Variants in PAPPA2 observed in about 807,000 individuals in gnomAD.
PAPPA2 encodes the protein pappalysin-2.
Under a neutral mutation model 176.4 loss-of-function variants are expected in PAPPA2, and 86 were observed. That is an observed-to-expected ratio of 0.49 (90% confidence interval 0.41 to 0.58). The LOEUF (loss-of-function observed/expected upper bound fraction) is 0.58. Ranked by LOEUF, PAPPA2 falls within the 20% of genes least tolerant of loss-of-function variation. The probability of loss-of-function intolerance (pLI) is 0.00; values close to 1 mark genes in which losing one functional copy is unlikely to be tolerated. For missense variants in PAPPA2, 2,073 were observed against 2,256.9 expected, an observed-to-expected ratio of 0.92 and a Z score of 1.65; for synonymous variants, 809 against 852.2, an observed-to-expected ratio of 0.95 and a Z score of 0.88.
chr1:176,722,222 G>A (rs894748232), intron 12 of PAPPA2, among the ~76,000 whole-genome samples: 7 of 151,800 alleles, frequency 4.6e-5, no homozygotes, highest in East Asian at 1.9e-4. Context: ...TTAAAACATC[G>A]TATTTATTTG....
intron 16 of PAPPA2, among the ~76,000 whole-genome samples, chr1:176,770,336 T>C (rs988558120): frequency 2.0e-5 from 3 of 152,164 alleles, no homozygotes; most frequent in Non-Finnish European, 4.4e-5. Flanking sequence ...AATGATGTTA[T>C]GGTGAATAGT....
At position 176,608,180 on chromosome 1, in the gene PAPPA2, T is replaced by A. The variant is rs557708909; in HGVS notation, c.1991+12585T>A. 2.6e-5 allele frequency among the ~76,000 whole-genome samples: 4 copies of A among 152,174 alleles called. No individual in the cohort carries two copies. The East Asian group carries it at 7.7e-4, about 29-fold the overall frequency. On this transcript the variant is annotated intron_variant, in intron 3 of 22. Transcript: ENST00000367662. ...CTACAGTTTATTTCAAAAGAAAAAA[T>A]TTAATTAAAAACATTAGGCATTTAA...
rs369906085 is a variant in PAPPA2, at chr1:176,646,081, T to G, written c.1992-24889T>G. 3.4e-4 allele frequency among the ~76,000 whole-genome samples: 52 copies of G among 151,560 alleles called. 1 individual carries two copies. The East Asian group carries it at 8.6e-3, about 25-fold the overall frequency. On this transcript the variant is annotated intron_variant, in intron 3 of 22. Coordinates refer to ENST00000367662, the MANE Select transcript of PAPPA2 (RefSeq NM_020318.3). Reference sequence around the variant, plus strand: ...GATTGTTTCCTTTGCAGTGCAAAAGTTTTTTAGTTTGATGTAGTCCCATTT... The same window carrying G: ...GATTGTTTCCTTTGCAGTGCAAAAGGTTTTTAGTTTGATGTAGTCCCATTT...
intron 3 of PAPPA2, among the ~76,000 whole-genome samples, chr1:176,637,865 A>G (rs1210988041): frequency 6.6e-6 from 1 of 151,696 alleles, no homozygotes; most frequent in Non-Finnish European, 1.5e-5. Flanking sequence ...CTTTTTGTAA[A>G]ACTCATTTTT....
chr1:176,788,513 T>G (rs898953276), intron 17 of PAPPA2, among the ~76,000 whole-genome samples: 6 of 152,220 alleles, frequency 3.9e-5, no homozygotes, highest in Non-Finnish European at 7.3e-5. Context: ...GTTATTCATA[T>G]TTTAGAATTA....
chr1:176,591,292 G>A (rs1172402239), intron 2 of PAPPA2, among the ~76,000 whole-genome samples: 2 of 152,132 alleles, frequency 1.3e-5, no homozygotes, highest in Non-Finnish European at 1.5e-5. Flanking sequence ...AGCCTTCCCA[G>A]ACAGTCTGAC....
rs182511774 is a variant in PAPPA2 at position 176,720,285 on chromosome 1, T to C, written c.3798+8304T>C. Among the ~76,000 whole-genome samples the C allele has an allele frequency of 1.4e-4, 21 of 152,322 alleles. No homozygotes were observed. In the East Asian group the frequency reaches 3.9e-3, roughly 28 times the overall value. ...AACCTTATTGTAGCCATACCTATAC[T>C]GAATAACATTTTATATTTGTGTATT... On this transcript the variant is annotated intron_variant, in intron 12 of 22. Transcript: ENST00000367662.
chr1:176,713,976 A>G (rs960070016), intron 12 of PAPPA2, among the ~76,000 whole-genome samples: 1 of 152,202 alleles, frequency 6.6e-6, no homozygotes, highest in African/African-American at 2.4e-5. Flanking sequence ...GCCTAAAACA[A>G]TTAATTAGCT....
chr1:176,531,750 T>G, intron 1 of PAPPA2, among the ~76,000 whole-genome samples: 1 of 152,204 alleles, frequency 6.6e-6, no homozygotes, highest in East Asian at 1.9e-4. Flanking sequence ...ATCCCCAGGA[T>G]TCTCTTCCCA....
chr1:176,794,526 A>G lies in PAPPA2; in HGVS notation c.5130+857A>G, dbSNP rs548069221. ...GCAAAATAAAGAAAAATGGGGTTCTATAGTTTGTGTGTGTGTATATGTGTG... is the reference window on the plus strand; with the variant it reads ...GCAAAATAAAGAAAAATGGGGTTCTGTAGTTTGTGTGTGTGTATATGTGTG... On this transcript the variant is annotated intron_variant, in intron 20 of 22. Transcript: ENST00000367662. Among the ~76,000 whole-genome samples the G allele has an allele frequency of 2.0e-5, 3 of 152,230 alleles. No homozygotes were observed. The South Asian group carries it at 6.2e-4, about 32-fold the overall frequency.
intron 2 of PAPPA2, among the ~76,000 whole-genome samples, chr1:176,578,482 G>A (rs1316092833): frequency 6.6e-6 from 1 of 152,162 alleles, no homozygotes; most frequent in African/African-American, 2.4e-5. Flanking sequence ...TTTGACTTCA[G>A]GAGCAGAGTG....
At chr1:176,803,245 G>A (rs1665758667) in intron 21 of PAPPA2, among the ~76,000 whole-genome samples, 1 of 152,196 alleles carries the variant, frequency 6.6e-6, no homozygotes, top group Admixed American at 6.5e-5. Flanking sequence ...ATTTTAAGGA[G>A]TTGTTAAGAG....
At chr1:176,706,722 C>T (rs537710725) in intron 10 of PAPPA2, among the ~76,000 whole-genome samples, 5 of 152,250 alleles carry the variant, frequency 3.3e-5, no homozygotes, top group Admixed American at 6.5e-5. Context: ...TAAGGAAGTA[C>T]AGCTCTAGAA....
intron 3 of PAPPA2, among the ~76,000 whole-genome samples, chr1:176,661,575 C>A (rs1342225406): frequency 6.6e-6 from 1 of 150,532 alleles, no homozygotes; most frequent in Non-Finnish European, 1.5e-5. Flanking sequence ...TGCCCCGTAG[C>A]TTGTTTCTGA....
intron 3 of PAPPA2, among the ~76,000 whole-genome samples, chr1:176,648,318 T>G (rs1333835756): frequency 1.3e-5 from 2 of 151,530 alleles, no homozygotes; most frequent in Admixed American, 6.6e-5. Context: ...TGTTTATCAG[T>G]TCTAACAGTT....
At chr1:176,714,807 A>G (rs984935364) in intron 12 of PAPPA2, among the ~76,000 whole-genome samples, 2 of 152,140 alleles carry the variant, frequency 1.3e-5, no homozygotes, top group Non-Finnish European at 2.9e-5. Context: ...CTAAGGACCT[A>G]CTAGACACCA....
chr1:176,629,525 T>A (rs1331042513), intron 3 of PAPPA2, among the ~76,000 whole-genome samples: 2 of 151,944 alleles, frequency 1.3e-5, no homozygotes, highest in African/African-American at 2.4e-5. Context: ...CTTAAAGTAG[T>A]CTGTGTTTGA....
At chr1:176,532,199 A>C (rs1379655354) in intron 1 of PAPPA2, among the ~76,000 whole-genome samples, 1 of 152,182 alleles carries the variant, frequency 6.6e-6, no homozygotes, top group Non-Finnish European at 1.5e-5. Context: ...ACCTCTATTT[A>C]ATTTTCTGAA....
In PAPPA2 at chr1:176,723,138, T is replaced by C. The variant is rs1571228814; in HGVS notation, c.3798+11157T>C. Among the ~76,000 whole-genome samples, 3 of 152,242 alleles carry C rather than the reference T, an allele frequency of 2.0e-5. No homozygotes were observed. The East Asian group carries it at 5.8e-4, about 29-fold the overall frequency. On this transcript the variant is annotated intron_variant, in intron 12 of 22. Transcript: ENST00000367662. ...ATGTGAGACAGAGCTCACTTTTATA[T>C]AAAAGCCACTCCTATGATAACTGAA...
Sources: allele counts gnomAD v4.1 joint callset (sites outside exome capture counted in the v4.1 genomes callset), GRCh38; gene constraint gnomAD v4.1.1; transcripts MANE v1.5; gene names NCBI Gene and HGNC (gene_info 2026-07-23, HGNC 2026-07-21).